Variants in PDZD2 observed in about 807,000 individuals in gnomAD.
PDZD2 encodes the protein PDZ domain containing 2.
In PDZD2, 90 loss-of-function variants were observed where a neutral mutation model predicts 220.7. The observed-to-expected ratio is 0.41, with a 90% CI of 0.34 to 0.49. PDZD2 has a LOEUF of 0.49. PDZD2 is among the 20% of genes least tolerant of loss of function. The pLI, the probability that PDZD2 is intolerant of heterozygous loss-of-function variation, is 0.28. For synonymous variants in PDZD2, 1,375 were observed against 1,450.5 expected, an observed-to-expected ratio of 0.95 and a Z score of 1.18; for missense variants, 3,174 against 3,608.5, an observed-to-expected ratio of 0.88 and a Z score of 3.08.
chr5:31,896,348 GTGTGTGTGTGTGTGTGTGTA>G (rs1561550711), intron 2 of PDZD2, among the ~76,000 whole-genome samples: 1 of 150,892 alleles, frequency 6.6e-6, no homozygotes, highest in Non-Finnish European at 1.5e-5. Flanking sequence ...GTGTGTGTGT[GTGTGTGTGTGTGTGTGTGTA>G]TGTGTGTGTG....
chr5:32,039,843 G>C (rs1238711612), intron 7 of PDZD2, among the ~76,000 whole-genome samples: 1 of 149,248 alleles, frequency 6.7e-6, no homozygotes, highest in Non-Finnish European at 1.5e-5. Flanking sequence ...CATCTGGGAA[G>C]TGAGGAGCGC....
rs993844901 is a variant in PDZD2, at chr5:32,090,171, C to A, written c.6723C>A (p.His2241Gln). ...SHFGREGHPP[H>Q]SLGRSRDSQV... ...TTGGACGGGAGGGTCACCCCCCACA[C>A]AGCCTGGGTCGCTCTCGGGACAGCC... Residue 2241 changes from histidine (H) to glutamine (Q), a missense_variant, in exon 20 of 25, where the codon CAC becomes CAA. Physicochemically the swap from His to Gln is conservative, Grantham distance 24. Transcript: ENST00000438447. The surrounding 1 kb of genome is among the most constrained non-coding windows in gnomAD (Gnocchi z 4.3). The A allele has an allele frequency of 1.2e-6, 2 of 1,614,094 alleles. No homozygotes were observed. Among genetic ancestry groups the A allele is most frequent in the African/African-American group, 2.7e-5 (2 of 75,044 alleles).
Position 32,089,784 on chromosome 5 carries a change from C to T in PDZD2, c.6336C>T (p.Ser2112=), listed in dbSNP as rs749228900. The change falls in exon 20 of 25, where the codon AGC becomes AGT. Residue 2112 remains serine (S), a synonymous_variant. Transcript: ENST00000438447. ...ETVCGNKPAE[S]DRRGGCLAQG... is the part of the protein sequence containing the mutation. The stretch of plus-strand genomic sequence containing the variant: ...TATGTGGTAACAAGCCAGCTGAAAG[C>T]GACAGACGGGGAGGGTGCTTGGCCC... 75 of 1,614,150 alleles carry T rather than the reference C, an allele frequency of 4.6e-5. No individual in the cohort carries two copies. In the East Asian group the frequency reaches 8.5e-4, roughly 18 times the overall value.
In PDZD2 at chr5:32,110,910, TAAAC is replaced by T. The variant is rs927226705; in HGVS notation, c.*2777_*2780del. ...CTTTTTTAAGTAATTTTAAAAAAAA[TAAAC>T]ACTCTGCTTACTACTTGATTTTTTT... On this transcript the variant is annotated 3_prime_UTR_variant, in exon 25 of 25. Coordinates refer to ENST00000438447, the MANE Select transcript of PDZD2 (RefSeq NM_178140.4). 2 of 152,136 alleles carry T rather than the reference TAAAC, an allele frequency of 1.3e-5. No homozygotes were observed. Among genetic ancestry groups the T allele is most frequent in the South Asian group, 2.1e-4 (1 of 4,822 alleles). The allele number at this position is 152,136 out of a possible 1,614,324, so 9.4% of individuals were successfully genotyped here.
intron 1 of PDZD2, among the ~76,000 whole-genome samples, chr5:31,662,668 A>T (rs546904794): frequency 6.6e-6 from 1 of 152,032 alleles, no homozygotes; most frequent in South Asian, 2.1e-4. Context: ...CTGGCTCTGT[A>T]GCCCAGGATG....
At chr5:31,660,931 G>T (rs1017410859) in intron 1 of PDZD2, among the ~76,000 whole-genome samples, 2 of 152,096 alleles carry the variant, frequency 1.3e-5, no homozygotes, top group African/African-American at 4.8e-5. Flanking sequence ...ATGGGGTCTT[G>T]CTATATTGTC....
chr5:31,909,670 A>C (rs552798907), intron 2 of PDZD2, among the ~76,000 whole-genome samples: 3 of 152,222 alleles, frequency 2.0e-5, no homozygotes, highest in Admixed American at 6.5e-5. Context: ...ATATACATGA[A>C]ATAGTCATGT....
chr5:31,983,566 G>C lies in PDZD2; in HGVS notation c.888G>C (p.Lys296Asn). The change falls in exon 3 of 25, where the codon AAG (lysine) becomes AAC (asparagine). Residue 296 changes from lysine to asparagine, a missense_variant. Transcript: ENST00000438447. ...VDRGTEHRIP[K>N]TDAPLTTSND... ...GAGGGACAGAGCATAGAATTCCAAAGACAGATGCTCCTCTGACCACAAGCA... is the reference window on the plus strand; with the variant it reads ...GAGGGACAGAGCATAGAATTCCAAACACAGATGCTCCTCTGACCACAAGCA... 3 of 1,614,204 alleles carry C rather than the reference G, an allele frequency of 1.9e-6. No individual in the cohort carries two copies. Among genetic ancestry groups the C allele is most frequent in the Non-Finnish European group, 2.5e-6 (3 of 1,180,020 alleles).
chr5:31,886,410 T>G (rs1254792872), intron 2 of PDZD2, among the ~76,000 whole-genome samples: 5 of 152,142 alleles, frequency 3.3e-5, no homozygotes, highest in Non-Finnish European at 5.9e-5. Context: ...TCCTCCCAGC[T>G]TGCTGAGCTT....
At chr5:32,018,607 G>C (rs1274332900) in intron 6 of PDZD2, among the ~76,000 whole-genome samples, 2 of 152,206 alleles carry the variant, frequency 1.3e-5, no homozygotes, top group African/African-American at 4.8e-5. Context: ...CCTCATTCTC[G>C]GCACCAACCC....
chr5:31,880,934 T>C (rs1739835336), intron 2 of PDZD2, among the ~76,000 whole-genome samples: 1 of 151,378 alleles, frequency 6.6e-6, no homozygotes. Flanking sequence ...CCCGAGTAGC[T>C]GGGATTACAG....
rs1345563630 is a variant in PDZD2 at position 32,108,991 on chromosome 5, G to A, written c.*856G>A. On this transcript the variant is annotated 3_prime_UTR_variant, in exon 25 of 25. Transcript: ENST00000438447. ...CTAGTTTTTGAACCTGTCTTGATAA[G>A]TGCTTGAATTCAAGACTGGTCAGTC... 6.6e-6 allele frequency: 1 copy of A among 152,582 alleles called. No homozygotes were observed. Among genetic ancestry groups the A allele is most frequent in the African/African-American group, 2.4e-5 (1 of 41,428 alleles). 9.5% of individuals were successfully genotyped at this position (152,582 alleles called of 1,614,324 possible).
chr5:31,738,015 A>G (rs971080435), intron 1 of PDZD2, among the ~76,000 whole-genome samples: 6 of 152,248 alleles, frequency 3.9e-5, no homozygotes, highest in Non-Finnish European at 7.3e-5. Context: ...TTCAATCACC[A>G]TGGAAGACAA....
At chr5:32,094,662 C>T (rs1743470756) in intron 21 of PDZD2, among the ~76,000 whole-genome samples, 1 of 150,900 alleles carries the variant, frequency 6.6e-6, no homozygotes. Context: ...GAGTTCGAGA[C>T]CAGCCTCATC....
intron 1 of PDZD2, among the ~76,000 whole-genome samples, chr5:31,711,880 T>A (rs376451): frequency 0.21 from 31,114 of 151,764 alleles, 3,564 homozygotes; most frequent in East Asian, 0.34. Context: ...GGAGGGGGAG[T>A]TTGCCCTTTG....
intron 2 of PDZD2, among the ~76,000 whole-genome samples, chr5:31,968,288 G>T (rs1343745296): frequency 6.6e-6 from 1 of 152,184 alleles, no homozygotes; most frequent in South Asian, 2.1e-4. Context: ...AACCCGAGAG[G>T]CAGAGGTTGC....
chr5:32,074,532 A>G lies in PDZD2; in HGVS notation c.3426A>G (p.Thr1142=), dbSNP rs756545266. The G allele has an allele frequency of 4.3e-6, 7 of 1,613,972 alleles. No individual in the cohort carries two copies. Among genetic ancestry groups the G allele is most frequent in the Non-Finnish European group, 5.9e-6 (7 of 1,179,930 alleles). Residue 1142 remains threonine, a synonymous_variant, in exon 18 of 25, where the codon ACA becomes ACG. Transcript: ENST00000438447. ...EAEAKPSGSQ[T]VNLTGRANDP... Reference sequence around the variant, plus strand: ...AGGCCAAGCCCAGTGGCTCACAGACAGTGAACCTGACTGGCAGAGCCAATG... The same window carrying G: ...AGGCCAAGCCCAGTGGCTCACAGACGGTGAACCTGACTGGCAGAGCCAATG...
intron 2 of PDZD2, among the ~76,000 whole-genome samples, chr5:31,860,430 G>A (rs1046032980): frequency 3.3e-5 from 5 of 152,134 alleles, no homozygotes; most frequent in Admixed American, 3.3e-4. Context: ...CTACATTCCA[G>A]CTTCCAAAAT....
At chr5:31,703,873 A>G (rs564196806) in intron 1 of PDZD2, among the ~76,000 whole-genome samples, 1 of 152,298 alleles carries the variant, frequency 6.6e-6, no homozygotes, top group East Asian at 1.9e-4. Flanking sequence ...GTAAATTTTC[A>G]TAAATAATTT....
Sources: allele counts gnomAD v4.1 joint callset (sites outside exome capture counted in the v4.1 genomes callset), GRCh38; gene constraint gnomAD v4.1.1; non-coding constraint Gnocchi (gnomAD v3.1); transcripts MANE v1.5; gene names NCBI Gene and HGNC (gene_info 2026-07-23, HGNC 2026-07-21).